The following DYM variants were observed in gnomAD, a reference collection of about 807,000 sequenced individuals.
DYM encodes dymeclin.
A neutral mutation model predicts 93.1 loss-of-function variants in DYM; 78 were observed. The observed-to-expected ratio is 0.84, with a 90% CI of 0.70 to 1.01. DYM has a LOEUF of 1.01. DYM is among the 50% of genes least tolerant of loss of function. DYM has a pLI of 0.00. For synonymous variants in DYM, 321 were observed against 319.7 expected (o/e 1.00, Z -0.04); for missense variants, 789 against 845.0 (o/e 0.93, Z 0.82).
intron 2 of DYM, among the ~76,000 whole-genome samples, chr18:49,423,699 A>C (rs2073971462): frequency 1.3e-5 from 2 of 152,240 alleles, no homozygotes; most frequent in African/African-American, 4.8e-5. Flanking sequence ...ACGCAATAAA[A>C]AATGATAAAG....
chr18:49,372,198 T>G (rs1260478545), intron 5 of DYM, among the ~76,000 whole-genome samples: 1 of 152,234 alleles, frequency 6.6e-6, no homozygotes, highest in Non-Finnish European at 1.5e-5. Context: ...AGCTACTGCA[T>G]GGTGATGCTC....
At position 49,362,096 on chromosome 18, in the gene DYM, A is replaced by G. The variant is rs545040828; in HGVS notation, c.494+1065T>C. 2.0e-5 allele frequency among the ~76,000 whole-genome samples: 3 copies of G among 149,998 alleles called. No individual in the cohort carries two copies. The East Asian group carries it at 5.9e-4, about 30-fold the overall frequency. On this transcript the variant is annotated intron_variant, in intron 6 of 17. Transcript: ENST00000675505. ...GCCCAGGCTGGTCTCCAACTCCTGC[A>G]TCCAAACAATACACCTGCCTCAGGC... is the stretch of plus-strand genomic sequence containing the variant.
At chr18:49,364,731 CT>C (rs978284154) in intron 5 of DYM, among the ~76,000 whole-genome samples, 18 of 152,152 alleles carry the variant, frequency 1.2e-4, no homozygotes, top group Non-Finnish European at 1.9e-4. Context: ...TCCTCCAGTA[CT>C]GCAGTGTATA....
chr18:49,353,154 C>T (rs1353661412), intron 6 of DYM, among the ~76,000 whole-genome samples: 1 of 152,118 alleles, frequency 6.6e-6, no homozygotes, highest in Non-Finnish European at 1.5e-5. Flanking sequence ...CAAGTCACTT[C>T]TCCCATTTAG....
At chr18:49,312,802 A>C (rs1223705061) in intron 8 of DYM, among the ~76,000 whole-genome samples, 1 of 152,110 alleles carries the variant, frequency 6.6e-6, no homozygotes, top group Non-Finnish European at 1.5e-5. Flanking sequence ...TAAGAAGAAA[A>C]ATCCTGCATC....
chr18:49,263,243 T>A (rs1290700932), intron 11 of DYM, among the ~76,000 whole-genome samples: 1 of 151,608 alleles, frequency 6.6e-6, no homozygotes, highest in Non-Finnish European at 1.5e-5. Flanking sequence ...CTCGGCCTCC[T>A]GAGTAGCTGG....
chr18:49,345,387 C>T lies in DYM; in HGVS notation c.495-11534G>A, dbSNP rs115598325. On this transcript the variant is annotated intron_variant, in intron 6 of 17. Coordinates refer to ENST00000675505, the MANE Select transcript of DYM (RefSeq NM_001353214.3). ...AAATAAAGAAGATAAATTTGGGGGA[C>T]TACTGACAACCTATCACAGGTGTGT... is the stretch of plus-strand genomic sequence containing the variant. Among the ~76,000 whole-genome samples, 898 of 152,192 alleles carry T rather than the reference C, an allele frequency of 5.9e-3. 6 individuals are homozygous for T. The highest frequency in any genetic ancestry group is 0.021 in the African/African-American group (870 of 41,528).
At chr18:49,210,995 G>A (rs1009944886) in intron 13 of DYM, among the ~76,000 whole-genome samples, 1 of 152,158 alleles carries the variant, frequency 6.6e-6, no homozygotes, top group Non-Finnish European at 1.5e-5. Context: ...ATATGTTCCT[G>A]GCAAGTAGGC....
At position 49,341,975 on chromosome 18, in the gene DYM, C is replaced by T. The variant is rs187512443; in HGVS notation, c.495-8122G>A. ...TCATCACAAATGTAGCAGCTTTAAA[C>T]AGCACCATTTGTTATCATACAGTCC... On this transcript the variant is annotated intron_variant, in intron 6 of 17. Transcript: ENST00000675505. 2.0e-5 allele frequency among the ~76,000 whole-genome samples: 3 copies of T among 152,296 alleles called. No homozygotes were observed. The East Asian group carries it at 5.8e-4, about 29-fold the overall frequency.
chr18:49,457,522 G>T (rs770097785), intron 1 of DYM, among the ~76,000 whole-genome samples: 1 of 152,104 alleles, frequency 6.6e-6, no homozygotes, highest in African/African-American at 2.4e-5. Context: ...AAGGAAAAAT[G>T]AACAGTCTTC....
intron 1 of DYM, among the ~76,000 whole-genome samples, chr18:49,435,317 T>C (rs1600229313): frequency 6.6e-6 from 1 of 150,404 alleles, no homozygotes; most frequent in East Asian, 1.9e-4. Flanking sequence ...TATTATAAGG[T>C]ATTGTGCAAA....
At chr18:49,199,343 G>C (rs962046785) in intron 14 of DYM, among the ~76,000 whole-genome samples, 1 of 152,122 alleles carries the variant, frequency 6.6e-6, no homozygotes, top group Non-Finnish European at 1.5e-5. Flanking sequence ...AAACCTGCAC[G>C]TTGTGCCCAT....
chr18:49,071,085 A>C (rs1320718130), intron 17 of DYM, among the ~76,000 whole-genome samples: 1 of 152,246 alleles, frequency 6.6e-6, no homozygotes. Context: ...GCTGGGATAC[A>C]GATCACCAAA....
intron 14 of DYM, among the ~76,000 whole-genome samples, chr18:49,179,339 T>G (rs1437912984): frequency 6.6e-6 from 1 of 152,190 alleles, no homozygotes; most frequent in African/African-American, 2.4e-5. Flanking sequence ...TAAAGATCTA[T>G]TAGGCTTAAA....
At chr18:49,076,262 CT>C (rs2077298476) in intron 17 of DYM, among the ~76,000 whole-genome samples, 2 of 152,110 alleles carry the variant, frequency 1.3e-5, no homozygotes, top group Admixed American at 6.5e-5. Context: ...ATGTTTTAAA[CT>C]TTGAGTCTGA....
At chr18:49,238,098 A>T (rs1280069866) in intron 13 of DYM, among the ~76,000 whole-genome samples, 2 of 152,196 alleles carry the variant, frequency 1.3e-5, no homozygotes, top group African/African-American at 4.8e-5. Flanking sequence ...TGAAATTTGG[A>T]TGGATATTAC....
chr18:49,427,518 T>G (rs548963717), intron 2 of DYM, among the ~76,000 whole-genome samples: 1 of 152,212 alleles, frequency 6.6e-6, no homozygotes, highest in South Asian at 2.1e-4. Context: ...ATGGAAAAAT[T>G]TAAATATGAA....
intron 8 of DYM, among the ~76,000 whole-genome samples, chr18:49,294,762 C>A (rs577068646): frequency 7.4e-4 from 112 of 152,070 alleles, no homozygotes; most frequent in Non-Finnish European, 1.4e-3. Context: ...AAACATATTA[C>A]AAAACACTAT....
At chr18:49,057,872 T>C (rs568198036) in intron 17 of DYM, among the ~76,000 whole-genome samples, 9 of 152,358 alleles carry the variant, frequency 5.9e-5, no homozygotes, top group African/African-American at 2.2e-4. Context: ...ATGTCCCTCT[T>C]TGACACTTAG....
Sources: allele counts gnomAD v4.1 joint callset (sites outside exome capture counted in the v4.1 genomes callset), GRCh38; gene constraint gnomAD v4.1.1; transcripts MANE v1.5; gene names NCBI Gene and HGNC (gene_info 2026-07-23, HGNC 2026-07-21).